The following F8 variants were observed in gnomAD, a reference collection of about 807,000 sequenced individuals.
The protein encoded by F8 is antihemophilic factor.
F8 carries 12 observed loss-of-function variants against 140.6 expected under a neutral mutation model. That is an observed-to-expected ratio of 0.09 (90% CI 0.05 to 0.14). The LOEUF (loss-of-function observed/expected upper bound fraction) is 0.14. F8 is among the 10% of genes least tolerant of loss of function. The pLI is 1.00. For missense variants in F8, 1,354 were observed against 1,720.7 expected (o/e 0.79, Z 3.77); for synonymous variants, 585 against 614.6 (o/e 0.95, Z 0.71).
chrX:154,876,278 C>T (rs1177184034), intron 22 of F8, among the ~76,000 whole-genome samples: 1 of 109,823 alleles, frequency 9.1e-6, no homozygotes, highest in African/African-American at 3.3e-5. Flanking sequence ...CACCACCACA[C>T]CCAGCTAATG....
intron 3 of F8, among the ~76,000 whole-genome samples, chrX:154,996,181 C>T (rs1385560403): frequency 5.4e-5 from 6 of 111,711 alleles, no homozygotes; most frequent in African/African-American, 2.0e-4. Context: ...ATAGCCAAGC[C>T]GAGACCCTCC....
chrX:155,007,743 C>T (rs1031465532), intron 1 of F8, among the ~76,000 whole-genome samples: 2 of 112,340 alleles, frequency 1.8e-5, no homozygotes, highest in African/African-American at 6.5e-5. Context: ...ACTAATGCCG[C>T]ATGATCTGAG....
At chrX:155,020,510 ATC>A (rs2073755153) in intron 1 of F8, among the ~76,000 whole-genome samples, 1 of 112,464 alleles carries the variant, frequency 8.9e-6, no homozygotes, top group African/African-American at 3.2e-5. Context: ...AAGAAAAGAT[ATC>A]TCTGATTATA....
intron 4 of F8, among the ~76,000 whole-genome samples, chrX:154,990,668 A>AGTTT (rs1296982898): frequency 8.9e-6 from 1 of 111,910 alleles, no homozygotes; most frequent in Non-Finnish European, 1.9e-5. Flanking sequence ...AGAAAGTGCC[A>AGTTT]AAACCACAGT....
chrX:154,842,165 T>C (rs782710500), intron 25 of F8, among the ~76,000 whole-genome samples: 3 of 111,755 alleles, frequency 2.7e-5, no homozygotes, highest in South Asian at 7.4e-4. Context: ...TTTATATTTT[T>C]ATATTGGCAG....
chrX:154,905,342 G>C (rs782699269), intron 15 of F8, among the ~76,000 whole-genome samples: 3 of 111,646 alleles, frequency 2.7e-5, no homozygotes, highest in Non-Finnish European at 5.7e-5. Flanking sequence ...GAGTTGATAT[G>C]TAAGTTAAGG....
chrX:155,009,875 C>G (rs1438461494), intron 1 of F8, among the ~76,000 whole-genome samples: 1 of 111,636 alleles, frequency 9.0e-6, no homozygotes, highest in East Asian at 2.8e-4. Flanking sequence ...CACTTTTTCC[C>G]TCTCTGAGGG....
intron 10 of F8, among the ~76,000 whole-genome samples, chrX:154,958,648 C>T (rs1180167264): frequency 8.9e-6 from 1 of 112,007 alleles, no homozygotes; most frequent in Non-Finnish European, 1.9e-5. Context: ...CAGTCTTGCT[C>T]TGTTGCCCAG....
chrX:154,991,136 T>C (rs931182336), intron 4 of F8, among the ~76,000 whole-genome samples: 1 of 112,354 alleles, frequency 8.9e-6, no homozygotes, highest in Non-Finnish European at 1.9e-5. Flanking sequence ...CCACTGTCAT[T>C]GCCACAGGCA....
At chrX:154,939,484 G>T (rs1557279506) in intron 13 of F8, among the ~76,000 whole-genome samples, 2 of 112,720 alleles carry the variant, frequency 1.8e-5, no homozygotes, top group African/African-American at 6.4e-5. Context: ...GCCCGCCATT[G>T]CTCAGGCTTG....
chrX:154,931,710 C>T, intron 13 of F8, 34 bp from the exon 14 acceptor site: 1 of 1,131,732 alleles, frequency 8.8e-7, no homozygotes, highest in Non-Finnish European at 1.2e-6. Flanking sequence ...TCTGGTTACT[C>T]ATAACACAGA....
intron 7 of F8, among the ~76,000 whole-genome samples, chrX:154,967,308 T>C (rs1428306368): frequency 7.1e-5 from 8 of 112,292 alleles, no homozygotes; most frequent in Non-Finnish European, 1.3e-4. Context: ...CAAGGAGATA[T>C]ATATTTTAAG....
intron 6 of F8, among the ~76,000 whole-genome samples, chrX:154,976,083 A>G (rs2073483887): frequency 9.0e-6 from 1 of 110,689 alleles, no homozygotes; most frequent in Non-Finnish European, 1.9e-5. Flanking sequence ...TTTAGTAGAG[A>G]TGGAGTTTCG....
At chrX:154,861,623 C>A (rs1253642326) in intron 24 of F8, 95 bp downstream of exon 24, 1 of 1,058,409 alleles carries the variant, frequency 9.4e-7, no homozygotes. Flanking sequence ...TAACAGTTGA[C>A]AGAAATACCT....
In F8 at chrX:154,904,014, G is replaced by C; in HGVS notation, c.5890C>G (p.Leu1964Val). ...AQDQRIRWYLLSMGSNENIHS... is the reference protein window; with the variant it reads ...AQDQRIRWYLVSMGSNENIHS... ...ATGTTTTCATTGCTGCCCATGCTGAGCAGATACCATCGAATCCTTTGATCC... is the reference window on the plus strand; with the variant it reads ...ATGTTTTCATTGCTGCCCATGCTGACCAGATACCATCGAATCCTTTGATCC... The change falls in exon 18 of 26, where the codon CTC becomes GTC. Residue 1964 changes from leucine (L) to valine (V), a missense_variant. Transcript: ENST00000360256. 8.3e-7 allele frequency: 1 copy of C among 1,210,991 alleles called. No homozygotes were observed. The highest frequency in any genetic ancestry group is 1.1e-6 in the Non-Finnish European group (1 of 894,836).
At chrX:154,915,180 G>C (rs2073089283) in intron 14 of F8, among the ~76,000 whole-genome samples, 1 of 111,328 alleles carries the variant, frequency 9.0e-6, no homozygotes, top group African/African-American at 3.3e-5. Context: ...ACTATCACGA[G>C]AACAGCATGG....
intron 22 of F8, among the ~76,000 whole-genome samples, chrX:154,872,052 A>G (rs1427261643): frequency 8.9e-6 from 1 of 112,108 alleles, no homozygotes; most frequent in Non-Finnish European, 1.9e-5. Flanking sequence ...GAAACAACAG[A>G]TGCTGGAGAG....
chrX:154,850,296 T>C (rs1159426076), intron 25 of F8, among the ~76,000 whole-genome samples: 1 of 109,467 alleles, frequency 9.1e-6, no homozygotes, highest in Non-Finnish European at 1.9e-5. Flanking sequence ...GTCCAGCTAA[T>C]TTTTGTATTT....
At chrX:155,005,982 A>T (rs934584230) in intron 1 of F8, among the ~76,000 whole-genome samples, 3 of 111,400 alleles carry the variant, frequency 2.7e-5, no homozygotes, top group Non-Finnish European at 5.7e-5. Context: ...GTGTTGATCC[A>T]GAGGATCCCC....
Sources: allele counts gnomAD v4.1 joint callset (sites outside exome capture counted in the v4.1 genomes callset), GRCh38; gene constraint gnomAD v4.1.1; transcripts MANE v1.5; gene names NCBI Gene and HGNC (gene_info 2026-07-23, HGNC 2026-07-21).